Variants in ARID1B observed in about 807,000 individuals in gnomAD.
ARID1B encodes the protein AT-rich interaction domain 1B, also known as AT-rich interactive domain-containing protein 1B.
Under a neutral mutation model 212.3 loss-of-function variants are expected in ARID1B, and 30 were observed. That is an observed-to-expected ratio of 0.14 (90% CI 0.11 to 0.19). The LOEUF is 0.19. Ranked by LOEUF, ARID1B falls within the 10% of genes least tolerant of loss-of-function variation. The pLI is 1.00. For synonymous variants in ARID1B, 1,402 were observed against 1,301.7 expected (o/e 1.08, Z -1.66); for missense variants, 2,891 against 3,204.0 (o/e 0.90, Z 2.36).
chr6:157,168,909 C>T (rs935565515), intron 9 of ARID1B: 1 of 152,180 alleles, frequency 6.6e-6, no homozygotes, highest in Admixed American at 6.6e-5. Flanking sequence ...ATCCAGTTTT[C>T]CTCTACACGT....
intron 7 of ARID1B, among the ~76,000 whole-genome samples, chr6:157,145,428 CA>C (rs1405072184): frequency 6.6e-6 from 1 of 152,162 alleles, no homozygotes; most frequent in Non-Finnish European, 1.5e-5. Flanking sequence ...TGGCCCTTGA[CA>C]AAAAGCGTGC....
intron 4 of ARID1B, among the ~76,000 whole-genome samples, chr6:157,010,298 TTTTTTTG>T (rs1361864056): frequency 4.8e-5 from 7 of 144,624 alleles, no homozygotes; most frequent in South Asian, 4.4e-4. Flanking sequence ...TTTTTTTTTT[TTTTTTTG>T]TTGTTGTTGT....
At chr6:157,055,967 A>G (rs556389928) in intron 4 of ARID1B, among the ~76,000 whole-genome samples, 1 of 152,242 alleles carries the variant, frequency 6.6e-6, no homozygotes, top group African/African-American at 2.4e-5. Context: ...ATTTGCATTC[A>G]ATCTCTCCCA....
chr6:156,829,219 C>T lies in ARID1B; in HGVS notation c.1792-8C>T, dbSNP rs772418837. The T allele has an allele frequency of 2.1e-5, 34 of 1,598,234 alleles. No homozygotes were observed. The highest frequency in any genetic ancestry group is 2.7e-5 in the Non-Finnish European group (32 of 1,170,298). ...ATTAATAAACCGACTTCTTTTATGT[C>T]TTCACAGGGCAGCCCAATGGATCCA... On this transcript the variant is annotated splice_polypyrimidine_tract_variant and splice_region_variant and intron_variant, in intron 1 of 19. Transcript: ENST00000636930.
intron 6 of ARID1B, among the ~76,000 whole-genome samples, chr6:157,120,674 C>T (rs934925550): frequency 6.6e-6 from 1 of 152,116 alleles, no homozygotes; most frequent in African/African-American, 2.4e-5. Context: ...ACAAAGGTGG[C>T]GTGGTATGTA....
At chr6:157,138,596 T>C (rs1789111224) in intron 7 of ARID1B, among the ~76,000 whole-genome samples, 1 of 152,162 alleles carries the variant, frequency 6.6e-6, no homozygotes, top group Admixed American at 6.5e-5. Context: ...GTCTGCCACA[T>C]AGATTCATTC....
intron 4 of ARID1B, among the ~76,000 whole-genome samples, chr6:156,989,732 T>C (rs1042779068): frequency 6.6e-6 from 1 of 152,246 alleles, no homozygotes; most frequent in African/African-American, 2.4e-5. Context: ...CAATGTTTGC[T>C]GATTTATTAA....
chr6:157,051,907 A>C (rs1782629473), intron 4 of ARID1B, among the ~76,000 whole-genome samples: 1 of 152,198 alleles, frequency 6.6e-6, no homozygotes, highest in South Asian at 2.1e-4. Flanking sequence ...AAAGTATTTA[A>C]AATTCTCTTG....
intron 12 of ARID1B, among the ~76,000 whole-genome samples, chr6:157,183,098 C>G (rs1792682724): frequency 6.6e-6 from 1 of 152,142 alleles, no homozygotes; most frequent in South Asian, 2.1e-4. Flanking sequence ...TTGTCCCCAC[C>G]CCATCATGCT....
chr6:157,172,757 G>A (rs1466309555), intron 9 of ARID1B: 1 of 151,522 alleles, frequency 6.6e-6, no homozygotes, highest in Non-Finnish European at 1.5e-5. Flanking sequence ...ATGAATATGT[G>A]CAATAATCAT....
Position 157,196,320 on chromosome 6 carries a change from G to A in ARID1B, c.4382+5G>A, listed in dbSNP as rs1793724311. 1 of 1,584,038 alleles carries A rather than the reference G, an allele frequency of 6.3e-7. No individual in the cohort carries two copies. Among genetic ancestry groups the A allele is most frequent in the African/African-American group, 1.4e-5 (1 of 72,770 alleles). On this transcript the variant is annotated splice_donor_5th_base_variant and intron_variant, in intron 16 of 19. Coordinates refer to ENST00000636930, the MANE Select transcript of ARID1B (RefSeq NM_001374828.1). ...TGGAGCCAGTTACGACCGAAGGTGA[G>A]TATTTTTTAAGATGACAATATGATG... is the stretch of plus-strand genomic sequence containing the variant.
chr6:156,945,192 C>T (rs1673634688), intron 4 of ARID1B, among the ~76,000 whole-genome samples: 1 of 145,472 alleles, frequency 6.9e-6, no homozygotes, highest in Non-Finnish European at 1.5e-5. Flanking sequence ...GCCTCTGCCA[C>T]CCAAAGTACT....
intron 12 of ARID1B, among the ~76,000 whole-genome samples, chr6:157,181,826 G>A (rs1003239159): frequency 3.3e-5 from 5 of 152,136 alleles, no homozygotes; most frequent in Admixed American, 6.5e-5. Flanking sequence ...TCCTTAATCA[G>A]GAGTCTAGTT....
At chr6:157,101,754 C>A (rs897626998) in intron 5 of ARID1B, among the ~76,000 whole-genome samples, 1 of 151,848 alleles carries the variant, frequency 6.6e-6, no homozygotes, top group Non-Finnish European at 1.5e-5. Context: ...CTCCTTCTTT[C>A]TTCACTTTTG....
chr6:157,061,991 A>T (rs1403758457), intron 4 of ARID1B, among the ~76,000 whole-genome samples: 1 of 152,208 alleles, frequency 6.6e-6, no homozygotes. Context: ...CTGAGTTTGC[A>T]GTGGGAAAAG....
At chr6:157,059,443 G>A (rs1783199486) in intron 4 of ARID1B, among the ~76,000 whole-genome samples, 1 of 152,164 alleles carries the variant, frequency 6.6e-6, no homozygotes, top group Admixed American at 6.5e-5. Context: ...ATATTTGATA[G>A]TATACTGCAG....
chr6:156,830,803 T>C (rs953000117), intron 2 of ARID1B, among the ~76,000 whole-genome samples: 1 of 151,708 alleles, frequency 6.6e-6, no homozygotes, highest in African/African-American at 2.4e-5. Context: ...AAATAAGAAA[T>C]AAAATGTTGT....
At chr6:157,150,255 C>A (rs543404487) in intron 8 of ARID1B, 1 of 152,266 alleles carries the variant, frequency 6.6e-6, no homozygotes, top group Admixed American at 6.5e-5. Context: ...GAGAGCCAGG[C>A]CTGATTTTGT....
In ARID1B at chr6:157,022,171, G is replaced by A. The variant is rs1394563939; in HGVS notation, c.2248-62491G>A. On this transcript the variant is annotated intron_variant, in intron 4 of 19. Transcript: ENST00000636930. ...GGGCGGGGCCGCGGAAGGGGGCGAG[G>A]TGGAGGGGCGGGGCCGGCGGGAGGT... 2.6e-5 allele frequency: 4 copies of A among 152,014 alleles called. No homozygotes were observed. In the East Asian group the frequency reaches 7.7e-4, roughly 29 times the overall value. 9.4% of individuals were successfully genotyped at this position (152,014 alleles called of 1,614,324 possible).
Sources: gnomAD v4.1 joint callset for allele counts (sites outside exome capture counted in the v4.1 genomes callset) on GRCh38, gnomAD v4.1.1 for gene constraint, MANE v1.5 for transcripts, NCBI Gene and HGNC (gene_info 2026-07-23, HGNC 2026-07-21) for gene names.